Variants in SCARA5 observed in about 807,000 individuals in gnomAD.
SCARA5 encodes scavenger receptor class A, member 5 (putative).
In SCARA5, 45 loss-of-function variants were observed where a neutral mutation model predicts 46.3. That is an observed-to-expected ratio of 0.97 (90% CI 0.76 to 1.24). The LOEUF is 1.24. Among genes scored for constraint, SCARA5 ranks in the 50% most tolerant of loss-of-function variants. The probability of loss-of-function intolerance (pLI) is 0.00; values close to 1 mark genes in which losing one functional copy is unlikely to be tolerated. For synonymous variants in SCARA5, 333 were observed against 306.5 expected (o/e 1.09, Z -0.90); for missense variants, 680 against 689.0 (o/e 0.99, Z 0.15).
At chr8:27,909,487 G>A (rs908518341) in intron 5 of SCARA5, among the ~76,000 whole-genome samples, 176 bp downstream of exon 5, 6 of 152,016 alleles carry the variant, frequency 3.9e-5, no homozygotes, top group Admixed American at 2.6e-4. Context: ...AAAAGTATGC[G>A]CTGCATCCCA....
At chr8:27,940,158 C>A (rs1183548034) in intron 3 of SCARA5, among the ~76,000 whole-genome samples, 1 of 152,342 alleles carries the variant, frequency 6.6e-6, no homozygotes, top group East Asian at 1.9e-4. Context: ...AAGCTCTCCC[C>A]ACTGGTGATT....
chr8:27,933,384 T>C (rs2129849722), intron 3 of SCARA5, among the ~76,000 whole-genome samples: 1 of 152,138 alleles, frequency 6.6e-6, no homozygotes, highest in African/African-American at 2.4e-5. Flanking sequence ...TAGCCAGCTG[T>C]GGTGGCGCAC....
chr8:27,982,801 C>G (rs1266435247), intron 2 of SCARA5, among the ~76,000 whole-genome samples: 1 of 152,054 alleles, frequency 6.6e-6, no homozygotes, highest in Non-Finnish European at 1.5e-5. Context: ...AGGGAGGGGA[C>G]AGAGAACCAA....
intron 3 of SCARA5, among the ~76,000 whole-genome samples, chr8:27,965,896 G>A (rs182763310): frequency 6.6e-6 from 1 of 152,306 alleles, no homozygotes; most frequent in East Asian, 1.9e-4. Context: ...TCCATGGCTG[G>A]AGAACATGCT....
chr8:27,885,435 T>C (rs1481539594), intron 7 of SCARA5, among the ~76,000 whole-genome samples: 3 of 152,172 alleles, frequency 2.0e-5, no homozygotes, highest in Non-Finnish European at 2.9e-5. Context: ...TGCTATTTAC[T>C]CTCTTAGGAC....
At chr8:27,875,513 G>A (rs1272728445) in intron 8 of SCARA5, among the ~76,000 whole-genome samples, 2 of 152,158 alleles carry the variant, frequency 1.3e-5, no homozygotes, top group African/African-American at 2.4e-5. Context: ...TTTAAAAGCT[G>A]AGTAGGAATT....
intron 7 of SCARA5, among the ~76,000 whole-genome samples, chr8:27,885,027 G>A (rs12680014): frequency 0.82 from 116,523 of 141,268 alleles, 47,232 homozygotes; most frequent in Admixed American, 0.86. Context: ...ATCTTGGCCG[G>A]GTGGACAAGG....
At chr8:27,877,667 T>C (rs536672771) in intron 8 of SCARA5, among the ~76,000 whole-genome samples, 1 of 152,056 alleles carries the variant, frequency 6.6e-6, no homozygotes, top group African/African-American at 2.4e-5. Flanking sequence ...ACAACGGTGG[T>C]TTTCCTTAGT....
intron 4 of SCARA5, among the ~76,000 whole-genome samples, chr8:27,912,862 G>A (rs1468915251): frequency 2.6e-5 from 4 of 152,206 alleles, no homozygotes; most frequent in Admixed American, 6.5e-5. Context: ...ACATCATCTG[G>A]AAGGTGGGCA....
chr8:27,898,425 G>A (rs1807098541), intron 7 of SCARA5, among the ~76,000 whole-genome samples: 1 of 152,186 alleles, frequency 6.6e-6, no homozygotes, highest in South Asian at 2.1e-4. Context: ...GAGGCTAAGC[G>A]ACTAGCTTCA....
At chr8:27,928,439 C>A (rs1244775369) in intron 3 of SCARA5, among the ~76,000 whole-genome samples, 1 of 152,122 alleles carries the variant, frequency 6.6e-6, no homozygotes, top group Admixed American at 6.6e-5. Flanking sequence ...CCTATTATAA[C>A]CCTATAAGTA....
At chr8:27,896,890 G>A (rs1389263944) in intron 7 of SCARA5, among the ~76,000 whole-genome samples, 1 of 152,136 alleles carries the variant, frequency 6.6e-6, no homozygotes, top group Non-Finnish European at 1.5e-5. Flanking sequence ...TCAGGAGTTC[G>A]AGACCAGCCT....
At chr8:27,938,656 C>T (rs535215435) in intron 3 of SCARA5, among the ~76,000 whole-genome samples, 47 of 152,256 alleles carry the variant, frequency 3.1e-4, no homozygotes, top group African/African-American at 1.1e-3. Context: ...AATCAGTACA[C>T]GGAGAGAGAT....
chr8:27,872,145 C>T (rs2129647734), intron 8 of SCARA5, 75 bp from the exon 9 acceptor site: 3 of 1,533,342 alleles, frequency 2.0e-6, no homozygotes, highest in African/African-American at 1.4e-5. Flanking sequence ...CATAACTGTG[C>T]CTGCCCTTGA....
intron 4 of SCARA5, among the ~76,000 whole-genome samples, chr8:27,914,284 C>T (rs936207423): frequency 3.3e-5 from 5 of 152,244 alleles, no homozygotes; most frequent in Non-Finnish European, 7.3e-5. Flanking sequence ...ATTACCCAAT[C>T]TCAGGTATGT....
intron 4 of SCARA5, among the ~76,000 whole-genome samples, chr8:27,916,786 C>T (rs1208312444): frequency 2.0e-5 from 3 of 152,188 alleles, no homozygotes; most frequent in African/African-American, 4.8e-5. Flanking sequence ...GCTGGAGGCC[C>T]AAGCACTGTC....
intron 8 of SCARA5, among the ~76,000 whole-genome samples, chr8:27,874,159 G>T (rs4732784): frequency 0.1 from 15,386 of 152,262 alleles, 973 homozygotes; most frequent in East Asian, 0.2. Flanking sequence ...TAGAGCTAAC[G>T]TTTGAGCTTC....
chr8:27,911,961 T>C (rs772846406), intron 4 of SCARA5, among the ~76,000 whole-genome samples: 1 of 152,092 alleles, frequency 6.6e-6, no homozygotes, highest in Non-Finnish European at 1.5e-5. Context: ...ATTGGAGTGA[T>C]GCATTCCCAA....
intron 7 of SCARA5, among the ~76,000 whole-genome samples, chr8:27,893,258 C>G (rs949594142): frequency 1.3e-5 from 2 of 152,118 alleles, no homozygotes; most frequent in African/African-American, 4.8e-5. Context: ...GGCAGAAGAC[C>G]GGCTCCTGCT....
Sources: allele counts gnomAD v4.1 joint callset (sites outside exome capture counted in the v4.1 genomes callset), GRCh38; gene constraint gnomAD v4.1.1; transcripts MANE v1.5; gene names NCBI Gene and HGNC (gene_info 2026-07-23, HGNC 2026-07-21).